ADGRB3: variants seen among roughly 807,000 people sequenced by gnomAD.
ADGRB3 encodes the protein brain-specific angiogenesis inhibitor 3.
In ADGRB3, 37 loss-of-function variants were observed where a neutral mutation model predicts 193.4. The observed-to-expected ratio is 0.19, with a 90% CI of 0.15 to 0.25. The LOEUF is 0.25. Among genes scored for constraint, ADGRB3 ranks in the 10% least tolerant of loss-of-function variants. The probability of loss-of-function intolerance (pLI) is 1.00; values close to 1 mark genes in which losing one functional copy is unlikely to be tolerated. For missense variants in ADGRB3, 1,637 were observed against 1,852.9 expected (o/e 0.88, Z 2.14); for synonymous variants, 690 against 644.2 (o/e 1.07, Z -1.08).
At chr6:68,860,735 A>AT (rs1030447922) in intron 3 of ADGRB3, among the ~76,000 whole-genome samples, 11 of 151,934 alleles carry the variant, frequency 7.2e-5, no homozygotes, top group African/African-American at 1.7e-4. Flanking sequence ...TGATATGACA[A>AT]TTTTTTTTCC....
intron 17 of ADGRB3, among the ~76,000 whole-genome samples, chr6:69,159,519 C>G (rs1774931037): frequency 6.6e-6 from 1 of 151,994 alleles, no homozygotes. Flanking sequence ...GTGAGTTCTT[C>G]TAGTTGGAAA....
intron 8 of ADGRB3, among the ~76,000 whole-genome samples, chr6:68,971,353 T>C (rs1768562703): frequency 6.6e-6 from 1 of 152,352 alleles, no homozygotes; most frequent in Non-Finnish European, 1.5e-5. Flanking sequence ...CTGTGTCTAC[T>C]AAAATCCTGT....
chr6:68,833,268 A>C (rs2127384593), intron 3 of ADGRB3, among the ~76,000 whole-genome samples: 1 of 152,144 alleles, frequency 6.6e-6, no homozygotes, highest in African/African-American at 2.4e-5. Flanking sequence ...AGATAGAACA[A>C]GCATTTTTTA....
At chr6:69,017,476 C>T (rs758841182) in intron 12 of ADGRB3, among the ~76,000 whole-genome samples, 8 of 151,892 alleles carry the variant, frequency 5.3e-5, no homozygotes, top group African/African-American at 7.2e-5. Context: ...ATGGGTTATA[C>T]ACATGAAAAT....
intron 3 of ADGRB3, among the ~76,000 whole-genome samples, chr6:68,787,736 C>A (rs1474472168): frequency 6.6e-6 from 1 of 152,152 alleles, no homozygotes; most frequent in East Asian, 1.9e-4. Context: ...ATGCTACCAG[C>A]TCCTATTTGT....
intron 3 of ADGRB3, among the ~76,000 whole-genome samples, chr6:68,887,447 A>G (rs1765941761): frequency 6.6e-6 from 1 of 152,022 alleles, no homozygotes; most frequent in Non-Finnish European, 1.5e-5. Context: ...TTCTTGGCAC[A>G]TTTTCCACCA....
chr6:68,823,442 A>G (rs59854565), intron 3 of ADGRB3, among the ~76,000 whole-genome samples: 6,552 of 152,120 alleles, frequency 0.043, 459 homozygotes, highest in African/African-American at 0.15. Context: ...CTAAATAGAT[A>G]CTAATATTCT....
chr6:68,911,968 G>C (rs7760666), intron 3 of ADGRB3, among the ~76,000 whole-genome samples: 48,959 of 151,418 alleles, frequency 0.32, 8,291 homozygotes, highest in Middle Eastern at 0.53. Context: ...ATTCTGATCT[G>C]TGAAACTACT....
intron 3 of ADGRB3, among the ~76,000 whole-genome samples, chr6:68,652,197 C>T (rs1768382015): frequency 1.3e-5 from 2 of 152,122 alleles, no homozygotes; most frequent in Admixed American, 6.5e-5. Context: ...TCTGTCACTT[C>T]TCTACCATGC....
At chr6:69,008,442 A>G (rs1050769050) in intron 11 of ADGRB3, among the ~76,000 whole-genome samples, 3 of 151,956 alleles carry the variant, frequency 2.0e-5, no homozygotes, top group African/African-American at 7.3e-5. Flanking sequence ...CTTAATAATC[A>G]CTATTTTGGA....
intron 13 of ADGRB3, among the ~76,000 whole-genome samples, chr6:69,030,991 C>CTTTTCT (rs11378924): frequency 4.0e-4 from 21 of 52,430 alleles, no homozygotes; most frequent in African/African-American, 8.0e-4. Context: ...CTTTTCTTTT[C>CTTTTCT]TTTCTTTTCC....
intron 30 of ADGRB3, among the ~76,000 whole-genome samples, chr6:69,382,469 CT>C (rs1769969753): frequency 6.6e-6 from 1 of 151,894 alleles, no homozygotes; most frequent in African/African-American, 2.4e-5. Context: ...GGACTGGGTG[CT>C]TTACAAGTTT....
At chr6:69,037,334 C>A (rs1770903120) in intron 13 of ADGRB3, among the ~76,000 whole-genome samples, 1 of 152,184 alleles carries the variant, frequency 6.6e-6, no homozygotes, top group African/African-American at 2.4e-5. Context: ...TATTTCCTTG[C>A]ATGATCATTT....
chr6:68,724,270 G>C (rs1235040292), intron 3 of ADGRB3, among the ~76,000 whole-genome samples: 1 of 151,654 alleles, frequency 6.6e-6, no homozygotes, highest in African/African-American at 2.4e-5. Flanking sequence ...ATATTGCACA[G>C]ATGCCAAATT....
At position 68,815,638 on chromosome 6, in the gene ADGRB3, T is replaced by G. The variant is rs12526208; in HGVS notation, c.758-114921T>G. Among the ~76,000 whole-genome samples, 40 of 149,514 alleles carry G rather than the reference T, an allele frequency of 2.7e-4. 1 individual carries two copies. The East Asian group carries it at 4.4e-3, about 16-fold the overall frequency. ...GTGTGTGTGTGTGTGTGTGTGTGTGTGTGCATGTAGATCTCATTTGATGTA... is the reference window on the plus strand; with the variant it reads ...GTGTGTGTGTGTGTGTGTGTGTGTGGGTGCATGTAGATCTCATTTGATGTA... On this transcript the variant is annotated intron_variant, in intron 3 of 31. Transcript: ENST00000370598.
chr6:69,344,779 A>G (rs1769049453), intron 26 of ADGRB3, among the ~76,000 whole-genome samples: 1 of 152,140 alleles, frequency 6.6e-6, no homozygotes, highest in African/African-American at 2.4e-5. Flanking sequence ...AGGAGATGAT[A>G]AAAGACTTCA....
intron 10 of ADGRB3, among the ~76,000 whole-genome samples, chr6:68,979,611 C>T (rs1346905354): frequency 6.6e-6 from 1 of 151,406 alleles, no homozygotes; most frequent in African/African-American, 2.4e-5. Context: ...GTTAATGTTT[C>T]ATTTGATACT....
chr6:69,048,484 T>C (rs773946188), intron 14 of ADGRB3, 150 bp downstream of exon 14: 294 of 878,168 alleles, frequency 3.3e-4, no homozygotes, highest in Non-Finnish European at 4.6e-4. Flanking sequence ...GGACAACTTA[T>C]TCTCGGTTTC....
chr6:68,995,820 T>TA (rs1769369166), intron 11 of ADGRB3, among the ~76,000 whole-genome samples: 1 of 152,156 alleles, frequency 6.6e-6, no homozygotes. Flanking sequence ...TCAACTCTGG[T>TA]AAGTCTTTCT....
Sources: gnomAD v4.1 joint callset for allele counts (sites outside exome capture counted in the v4.1 genomes callset) on GRCh38, gnomAD v4.1.1 for gene constraint, MANE v1.5 for transcripts, NCBI Gene and HGNC (gene_info 2026-07-23, HGNC 2026-07-21) for gene names.